Variants in OSBPL10 observed in about 807,000 individuals in gnomAD.
OSBPL10 encodes the protein oxysterol-binding protein-related protein 10.
In OSBPL10, 49 loss-of-function variants were observed where a neutral mutation model predicts 81.7. That is an observed-to-expected ratio of 0.60 (90% CI 0.48 to 0.76). The LOEUF is 0.76. Ranked by LOEUF, OSBPL10 falls within the 30% of genes least tolerant of loss-of-function variation. OSBPL10 has a pLI of 0.00. For synonymous variants in OSBPL10, 419 were observed against 383.6 expected (o/e 1.09, Z -1.08); for missense variants, 923 against 987.8 (o/e 0.93, Z 0.88).
At chr3:31,781,569 A>G (rs777629724) in intron 4 of OSBPL10, among the ~76,000 whole-genome samples, 6 of 152,336 alleles carry the variant, frequency 3.9e-5, no homozygotes, top group Non-Finnish European at 7.4e-5. Context: ...AGACTCATCC[A>G]AAAAGCTCCT....
intron 8 of OSBPL10, among the ~76,000 whole-genome samples, chr3:31,672,190 T>G (rs1359732788): frequency 6.6e-6 from 1 of 152,010 alleles, no homozygotes; most frequent in Non-Finnish European, 1.5e-5. Context: ...TCCTGGGAGC[T>G]CCACATGAAC....
intron 5 of OSBPL10, among the ~76,000 whole-genome samples, chr3:31,734,300 T>G (rs1697080043): frequency 6.6e-6 from 1 of 152,082 alleles, no homozygotes. Flanking sequence ...CTCCACCAAC[T>G]CCCTTCGGGG....
At chr3:32,003,956 A>G (rs1699178136) in intron 2 of OSBPL10, among the ~76,000 whole-genome samples, 1 of 152,186 alleles carries the variant, frequency 6.6e-6, no homozygotes, top group South Asian at 2.1e-4. Context: ...TCTGCAAAAC[A>G]ACAGCTGGAT....
At chr3:31,785,827 T>C (rs761651333) in intron 4 of OSBPL10, among the ~76,000 whole-genome samples, 2 of 152,114 alleles carry the variant, frequency 1.3e-5, no homozygotes, top group African/African-American at 2.4e-5. Flanking sequence ...CCTTAATAAT[T>C]TTCTGAAATT....
At chr3:32,031,499 TCA>T (rs1396934204) in intron 2 of OSBPL10, among the ~76,000 whole-genome samples, 1 of 151,976 alleles carries the variant, frequency 6.6e-6, no homozygotes, top group Non-Finnish European at 1.5e-5. Flanking sequence ...TCTCACTCTG[TCA>T]CCCCAGCTGG....
At chr3:31,839,206 C>T (rs983185332) in intron 3 of OSBPL10, among the ~76,000 whole-genome samples, 2 of 152,228 alleles carry the variant, frequency 1.3e-5, no homozygotes, top group Admixed American at 6.5e-5. Flanking sequence ...ATTATCTCTT[C>T]TCCTTTTCCA....
chr3:31,957,420 G>A (rs545738667), intron 1 of OSBPL10, among the ~76,000 whole-genome samples: 1 of 152,080 alleles, frequency 6.6e-6, no homozygotes, highest in African/African-American at 2.4e-5. Context: ...CTGCACTGGC[G>A]AACACCATTT....
chr3:31,908,444 T>TC (rs1023276178), intron 1 of OSBPL10, among the ~76,000 whole-genome samples: 1 of 152,142 alleles, frequency 6.6e-6, no homozygotes, highest in Non-Finnish European at 1.5e-5. Flanking sequence ...TTTAATTTTT[T>TC]CCAACACAAC....
chr3:32,075,578 A>G (rs1359218954), intron 1 of OSBPL10, among the ~76,000 whole-genome samples: 1 of 152,114 alleles, frequency 6.6e-6, no homozygotes, highest in Non-Finnish European at 1.5e-5. Context: ...GAAACCCACA[A>G]TATCACCCCT....
chr3:31,820,145 A>C (rs1186612709), intron 4 of OSBPL10, among the ~76,000 whole-genome samples: 6 of 152,192 alleles, frequency 3.9e-5, no homozygotes, highest in Non-Finnish European at 7.3e-5. Context: ...TCTACCTCAC[A>C]GAGTTGACTT....
intron 1 of OSBPL10, among the ~76,000 whole-genome samples, chr3:31,883,509 G>A (rs936740674): frequency 2.0e-5 from 3 of 151,292 alleles, no homozygotes; most frequent in African/African-American, 2.4e-5. Flanking sequence ...CATAGTGCTG[G>A]GATTACAGGC....
At chr3:31,929,949 T>C (rs1284360661) in intron 1 of OSBPL10, among the ~76,000 whole-genome samples, 6 of 130,514 alleles carry the variant, frequency 4.6e-5, no homozygotes, top group East Asian at 2.4e-4. Flanking sequence ...CTGTCAGCAA[T>C]GACTGCACCA....
At chr3:31,808,626 A>T (rs886761452) in intron 4 of OSBPL10, among the ~76,000 whole-genome samples, 7 of 152,220 alleles carry the variant, frequency 4.6e-5, no homozygotes, top group African/African-American at 1.4e-4. Context: ...CTGTATTCCA[A>T]ATTTCAAATT....
At chr3:31,888,933 T>A (rs997281757) in intron 1 of OSBPL10, among the ~76,000 whole-genome samples, 6 of 147,446 alleles carry the variant, frequency 4.1e-5, no homozygotes, top group East Asian at 2.0e-4. Context: ...CAGGAAAAAA[T>A]AATAATAATA....
intron 2 of OSBPL10, among the ~76,000 whole-genome samples, chr3:32,035,888 T>C (rs1338965774): frequency 6.6e-6 from 1 of 152,174 alleles, no homozygotes; most frequent in Non-Finnish European, 1.5e-5. Context: ...CACTACCATC[T>C]ATCTCCAGAA....
At chr3:31,714,183 G>C (rs1005728020) in intron 6 of OSBPL10, 1 of 152,394 alleles carries the variant, frequency 6.6e-6, no homozygotes, top group Non-Finnish European at 1.5e-5. Flanking sequence ...TGCACTGGGG[G>C]GTGGTAGTGA....
chr3:32,030,254 GA>G, intron 2 of OSBPL10: 1 of 334,142 alleles, frequency 3.0e-6, no homozygotes. Flanking sequence ...AGGCCTTTTA[GA>G]AAACATGGAG....
chr3:31,965,764 AGAT>A (rs1246100354), intron 1 of OSBPL10, among the ~76,000 whole-genome samples: 1 of 73,414 alleles, frequency 1.4e-5, no homozygotes, highest in Non-Finnish European at 2.3e-5. Flanking sequence ...TTATATTAAA[AGAT>A]AATATATATT....
At chr3:31,766,885 C>T (rs543970005) in intron 4 of OSBPL10, among the ~76,000 whole-genome samples, 52 of 152,250 alleles carry the variant, frequency 3.4e-4, no homozygotes, top group African/African-American at 1.2e-3. Context: ...GTGATAAACA[C>T]CCAGCTGTAA....
Sources: gnomAD v4.1 joint callset for allele counts (sites outside exome capture counted in the v4.1 genomes callset) on GRCh38, gnomAD v4.1.1 for gene constraint, MANE v1.5 for transcripts, NCBI Gene and HGNC (gene_info 2026-07-23, HGNC 2026-07-21) for gene names.